GABRB3: variants seen among roughly 807,000 people sequenced by gnomAD.
GABRB3 encodes the protein gamma-aminobutyric acid receptor subunit beta-3.
In GABRB3, 14 loss-of-function variants were observed where a neutral mutation model predicts 52.1. The ratio of observed to expected loss-of-function variants is 0.27; its 90% CI spans 0.18 to 0.42. The LOEUF (loss-of-function observed/expected upper bound fraction) is 0.42. Ranked by LOEUF, GABRB3 falls within the 10% of genes least tolerant of loss-of-function variation. GABRB3 has a pLI of 1.00. For missense variants in GABRB3, 307 were observed against 609.1 expected (o/e 0.50, Z 5.22); for synonymous variants, 260 against 232.3 (o/e 1.12, Z -1.08).
intron 3 of GABRB3, among the ~76,000 whole-genome samples, chr15:26,753,635 A>G (rs1050903143): frequency 1.5e-4 from 23 of 152,218 alleles, no homozygotes; most frequent in African/African-American, 5.5e-4. Context: ...CAGCCAAGCA[A>G]AGGGATTGGC....
chr15:26,629,230 G>C, intron 3 of GABRB3: 3 of 1,406,222 alleles, frequency 2.1e-6, no homozygotes, highest in African/African-American at 1.4e-5. Flanking sequence ...GCCTGGAAAG[G>C]AGGGCAGCGC....
intron 4 of GABRB3, among the ~76,000 whole-genome samples, chr15:26,607,856 TAGA>T (rs1207715487): frequency 5.9e-5 from 9 of 152,046 alleles, no homozygotes; most frequent in African/African-American, 1.4e-4. Context: ...ATATCTGTAT[TAGA>T]AGGATTACTA....
At chr15:26,566,731 C>CA (rs556818758) in intron 7 of GABRB3, among the ~76,000 whole-genome samples, 40 of 149,030 alleles carry the variant, frequency 2.7e-4, no homozygotes, top group African/African-American at 4.9e-4. Context: ...GACTCTGTCT[C>CA]AAAAAAAAAG....
At chr15:26,725,542 T>C (rs1467955521) in intron 3 of GABRB3, among the ~76,000 whole-genome samples, 1 of 152,250 alleles carries the variant, frequency 6.6e-6, no homozygotes, top group Non-Finnish European at 1.5e-5. Context: ...ACATGCAAAT[T>C]ACTTCTAAAT....
intron 4 of GABRB3, among the ~76,000 whole-genome samples, chr15:26,606,890 T>C (rs777319489): frequency 1.4e-5 from 2 of 144,442 alleles, no homozygotes; most frequent in Non-Finnish European, 3.0e-5. Context: ...TCTACACTTC[T>C]ATATTTGAGT....
chr15:26,768,604 C>T (rs917534207), intron 3 of GABRB3, among the ~76,000 whole-genome samples: 2 of 152,058 alleles, frequency 1.3e-5, no homozygotes, highest in African/African-American at 4.8e-5. Flanking sequence ...AAAATTATAA[C>T]ACACACAGTA....
chr15:26,635,010 A>ATATCTATATATATATATATATATATAT (rs10676156), intron 3 of GABRB3, among the ~76,000 whole-genome samples: 1 of 74,882 alleles, frequency 1.3e-5, no homozygotes, highest in Non-Finnish European at 2.5e-5. Context: ...ATATATATAT[A>ATATCTATATATATATATATATATATAT]ATATATATAT....
At chr15:26,607,253 T>A (rs1891871584) in intron 4 of GABRB3, among the ~76,000 whole-genome samples, 1 of 152,208 alleles carries the variant, frequency 6.6e-6, no homozygotes, top group Non-Finnish European at 1.5e-5. Context: ...TTACATTTAA[T>A]TCGGCTTAAG....
At chr15:26,581,722 A>G (rs1393532971) in intron 5 of GABRB3, among the ~76,000 whole-genome samples, 1 of 152,178 alleles carries the variant, frequency 6.6e-6, no homozygotes, top group African/African-American at 2.4e-5. Context: ...CCACATTTGC[A>G]TCTTGGCTGA....
At position 26,567,681 on chromosome 15, in the gene GABRB3, G is replaced by A. The variant is rs1029470225; in HGVS notation, c.735C>T (p.Tyr245=). 4.3e-6 allele frequency: 7 copies of A among 1,614,030 alleles called. No homozygotes were observed. In the African/African-American group the frequency reaches 5.3e-5, roughly 12 times the overall value. ...LSFRLKRNIG[Y]FILQTYMPSI... ...AGGGCATATAAGTCTGAAGAATGAA[G>A]TATCCAATGTTCCTCTTCAACCGAA... Residue 245 remains tyrosine (Y), a synonymous_variant, in exon 7 of 9, where the codon TAC becomes TAT. Coordinates refer to ENST00000311550, the MANE Select transcript of GABRB3 (RefSeq NM_000814.6).
intron 3 of GABRB3, among the ~76,000 whole-genome samples, chr15:26,701,306 G>A (rs1888929550): frequency 6.6e-6 from 1 of 152,122 alleles, no homozygotes; most frequent in African/African-American, 2.4e-5. Context: ...TGGAAAGGAT[G>A]GGGCAACACT....
intron 6 of GABRB3, among the ~76,000 whole-genome samples, chr15:26,567,950 C>G (rs767883272): frequency 3.3e-5 from 5 of 152,216 alleles, no homozygotes; most frequent in African/African-American, 4.8e-5. Context: ...GATGAGGATG[C>G]TCTTCTAAGG....
chr15:26,550,259 G>A (rs966325059), intron 8 of GABRB3: 5 of 152,172 alleles, frequency 3.3e-5, no homozygotes, highest in Admixed American at 3.3e-4. Flanking sequence ...GAAGAAACAA[G>A]GCAGCTGATA....
At chr15:26,731,803 C>T (rs1048896849) in intron 3 of GABRB3, among the ~76,000 whole-genome samples, 3 of 152,162 alleles carry the variant, frequency 2.0e-5, no homozygotes, top group African/African-American at 4.8e-5. Flanking sequence ...TACCATTTAG[C>T]GGTGTTTTTA....
intron 3 of GABRB3, among the ~76,000 whole-genome samples, chr15:26,731,861 TA>T (rs1158748707): frequency 4.0e-5 from 6 of 149,040 alleles, no homozygotes; most frequent in Non-Finnish European, 8.9e-5. Flanking sequence ...TAAATGTGGC[TA>T]AAATGAAGAT....
At chr15:26,755,835 C>T (rs556130640) in intron 3 of GABRB3, among the ~76,000 whole-genome samples, 2 of 152,246 alleles carry the variant, frequency 1.3e-5, no homozygotes, top group South Asian at 4.1e-4. Context: ...CATACAGTAA[C>T]TTAGGCACAA....
intron 8 of GABRB3, among the ~76,000 whole-genome samples, chr15:26,558,519 C>G (rs549149173): frequency 6.6e-6 from 1 of 152,126 alleles, no homozygotes; most frequent in Non-Finnish European, 1.5e-5. Flanking sequence ...GTGTCCCTGC[C>G]CAAATCTCAT....
At chr15:26,593,640 A>G (rs928230099) in intron 4 of GABRB3, among the ~76,000 whole-genome samples, 2 of 152,174 alleles carry the variant, frequency 1.3e-5, no homozygotes. Flanking sequence ...TGTAGCATGT[A>G]CAAGAATTTC....
At chr15:26,731,638 C>G (rs1483603636) in intron 3 of GABRB3, among the ~76,000 whole-genome samples, 2 of 152,178 alleles carry the variant, frequency 1.3e-5, no homozygotes, top group African/African-American at 4.8e-5. Flanking sequence ...CCCTCCCTGC[C>G]ATATTCATAT....
Sources: gnomAD v4.1 joint callset for allele counts (sites outside exome capture counted in the v4.1 genomes callset) on GRCh38, gnomAD v4.1.1 for gene constraint, MANE v1.5 for transcripts, NCBI Gene and HGNC (gene_info 2026-07-23, HGNC 2026-07-21) for gene names.